Variants in GUCY1A2 observed in about 807,000 individuals in gnomAD.
GUCY1A2 encodes the protein guanylate cyclase soluble subunit alpha-2.
GUCY1A2 carries 27 observed loss-of-function variants against 63.5 expected under a neutral mutation model. The observed-to-expected ratio is 0.43, with a 90% CI of 0.31 to 0.59. The LOEUF (loss-of-function observed/expected upper bound fraction) is 0.59, where lower values mean the gene tolerates loss of function less well. GUCY1A2 is among the 20% of genes least tolerant of loss of function. The pLI, the probability that GUCY1A2 is intolerant of heterozygous loss-of-function variation, is 0.11. For synonymous variants in GUCY1A2, 364 were observed against 343.5 expected (o/e 1.06, Z -0.66); for missense variants, 768 against 913.3 (o/e 0.84, Z 2.05).
chr11:106,827,999 G>C (rs1858997623), intron 4 of GUCY1A2: 2 of 708,074 alleles, frequency 2.8e-6, no homozygotes, highest in Non-Finnish European at 5.1e-6. Context: ...CTTATCCAGA[G>C]AATCCGACCT....
intron 3 of GUCY1A2, among the ~76,000 whole-genome samples, chr11:106,947,949 T>G (rs1860852449): frequency 6.6e-6 from 1 of 151,996 alleles, no homozygotes; most frequent in Non-Finnish European, 1.5e-5. Flanking sequence ...AAGCTGAAAT[T>G]AAGAAAGAAA....
rs1862384545 is a variant in GUCY1A2, at chr11:106,678,655, T to C, written c.*8894A>G. The stretch of plus-strand genomic sequence containing the variant: ...GTGATGTAACAATATTCATATTTGT[T>C]GTTCAAATGATTTGAACATAAATTG... On this transcript the variant is annotated 3_prime_UTR_variant, in exon 8 of 8. Transcript: ENST00000526355. 1 of 210,024 alleles carries C rather than the reference T, an allele frequency of 4.8e-6. No homozygotes were observed. The highest frequency in any genetic ancestry group is 7.2e-5 in the East Asian group (1 of 13,952). 13.0% of individuals were successfully genotyped at this position (210,024 alleles called of 1,614,324 possible). A position where few individuals can be genotyped will look rare whatever the true frequency, so the allele number is the denominator to read the frequency against.
intron 6 of GUCY1A2, among the ~76,000 whole-genome samples, chr11:106,718,623 CA>C (rs931617459): frequency 5.9e-5 from 9 of 151,586 alleles, no homozygotes; most frequent in Admixed American, 2.0e-4. Flanking sequence ...TACCTCTGTG[CA>C]AAAAAAGTCT....
At chr11:106,834,382 C>T (rs546388417) in intron 4 of GUCY1A2, among the ~76,000 whole-genome samples, 3 of 152,032 alleles carry the variant, frequency 2.0e-5, no homozygotes, top group South Asian at 4.1e-4. Flanking sequence ...TTTACTAATA[C>T]AATATTTTAC....
chr11:106,694,888 A>ATATC (rs1396533471), intron 7 of GUCY1A2, among the ~76,000 whole-genome samples: 1 of 152,070 alleles, frequency 6.6e-6, no homozygotes, highest in African/African-American at 2.4e-5. Flanking sequence ...TATTCCCTGT[A>ATATC]TATCTTCTGA....
At chr11:106,956,657 C>G (rs886908846) in intron 3 of GUCY1A2, among the ~76,000 whole-genome samples, 3 of 152,154 alleles carry the variant, frequency 2.0e-5, no homozygotes, top group Non-Finnish European at 4.4e-5. Flanking sequence ...GGTGCCTGCT[C>G]CTTCTTCTGG....
At chr11:106,965,829 A>C (rs1239909601) in intron 3 of GUCY1A2, among the ~76,000 whole-genome samples, 1 of 152,074 alleles carries the variant, frequency 6.6e-6, no homozygotes, top group Non-Finnish European at 1.5e-5. Context: ...CCTTTCATTC[A>C]TCTTAAATAA....
intron 5 of GUCY1A2, among the ~76,000 whole-genome samples, chr11:106,802,047 GATAA>G (rs1858611137): frequency 1.3e-5 from 2 of 152,276 alleles, no homozygotes; most frequent in Non-Finnish European, 2.9e-5. Flanking sequence ...GTTATTAAGT[GATAA>G]ATAGTGGCAG....
intron 5 of GUCY1A2, among the ~76,000 whole-genome samples, chr11:106,797,001 TCTTCTCG>T (rs1346996223): frequency 6.6e-6 from 1 of 152,084 alleles, no homozygotes; most frequent in East Asian, 1.9e-4. Context: ...TCTAAACTTC[TCTTCTCG>T]CTTCATTTCA....
intron 1 of GUCY1A2, among the ~76,000 whole-genome samples, chr11:107,011,036 A>G (rs1489196429): frequency 6.6e-6 from 1 of 152,136 alleles, no homozygotes; most frequent in Non-Finnish European, 1.5e-5. Flanking sequence ...GGCCCTCCTA[A>G]GCATTTTATT....
intron 5 of GUCY1A2, among the ~76,000 whole-genome samples, chr11:106,784,971 C>A (rs751901332): frequency 1.3e-5 from 2 of 152,140 alleles, no homozygotes; most frequent in African/African-American, 2.4e-5. Context: ...CTGGCATTGT[C>A]ATTAACCTAC....
intron 4 of GUCY1A2, among the ~76,000 whole-genome samples, chr11:106,924,373 C>T (rs1478124551): frequency 6.6e-6 from 1 of 152,124 alleles, no homozygotes. Context: ...ATCCTAGACT[C>T]CATAAAAATA....
chr11:106,805,580 G>A (rs941537861), intron 5 of GUCY1A2, among the ~76,000 whole-genome samples: 9 of 152,094 alleles, frequency 5.9e-5, no homozygotes, highest in Non-Finnish European at 1.3e-4. Context: ...TGGGTAAGAT[G>A]ATTTTTAAAA....
chr11:106,779,718 G>A (rs1864425297), intron 5 of GUCY1A2, among the ~76,000 whole-genome samples: 1 of 152,160 alleles, frequency 6.6e-6, no homozygotes, highest in South Asian at 2.1e-4. Context: ...AGAATACATG[G>A]AGATTAGTTA....
chr11:106,795,455 TATAAC>T (rs1416532799), intron 5 of GUCY1A2, among the ~76,000 whole-genome samples: 1 of 152,144 alleles, frequency 6.6e-6, no homozygotes, highest in Non-Finnish European at 1.5e-5. Flanking sequence ...CACAGGAAAA[TATAAC>T]ATTAAAAATG....
chr11:106,988,151 A>T (rs1861425460), intron 1 of GUCY1A2, among the ~76,000 whole-genome samples: 1 of 152,220 alleles, frequency 6.6e-6, no homozygotes, highest in Non-Finnish European at 1.5e-5. Context: ...ATGGTTAAGA[A>T]ATCTAAAGAG....
At chr11:106,942,092 C>T (rs7930761) in intron 3 of GUCY1A2, among the ~76,000 whole-genome samples, 56,373 of 150,790 alleles carry the variant, frequency 0.37, 11,189 homozygotes, top group Non-Finnish European at 0.45. Context: ...AAAACAAAGA[C>T]AGACAATATT....
chr11:106,958,236 T>C (rs932904547), intron 3 of GUCY1A2, among the ~76,000 whole-genome samples: 7 of 152,182 alleles, frequency 4.6e-5, no homozygotes, highest in African/African-American at 1.7e-4. Flanking sequence ...ATCAAGTACA[T>C]GAGAACTTGA....
rs950577296 is a variant in GUCY1A2, at chr11:106,810,200, A to G, written c.1485T>C (p.Tyr495=). Residue 495 remains tyrosine (Y), a synonymous_variant, in exon 5 of 8, where the codon TAT becomes TAC. Coordinates refer to ENST00000526355, the MANE Select transcript of GUCY1A2 (RefSeq NM_000855.3). The part of the protein sequence containing the change: ...EEKKKTVDLL[Y]SIFPGDVAQQ... ...GGGCTACATCACCAGGGAAAATAGA[A>G]TATAGAAGATCCACTGTCTTCTTTT... The G allele has an allele frequency of 6.2e-7, 1 of 1,613,886 alleles. No homozygotes were observed. Among genetic ancestry groups the G allele is most frequent in the Non-Finnish European group, 8.5e-7 (1 of 1,179,830 alleles).
Sources: allele counts gnomAD v4.1 joint callset (sites outside exome capture counted in the v4.1 genomes callset), GRCh38; gene constraint gnomAD v4.1.1; transcripts MANE v1.5; gene names NCBI Gene and HGNC (gene_info 2026-07-23, HGNC 2026-07-21).